Variants in RPH3A observed in about 807,000 individuals in gnomAD.
RPH3A encodes the protein rabphilin-3A.
A neutral mutation model predicts 102.2 loss-of-function variants in RPH3A; 48 were observed. The observed-to-expected ratio is 0.47, with a 90% CI of 0.37 to 0.60. RPH3A has a LOEUF of 0.60. Among genes scored for constraint, RPH3A ranks in the 20% least tolerant of loss-of-function variants. The probability of loss-of-function intolerance (pLI) is 0.00; values close to 1 mark genes in which losing one functional copy is unlikely to be tolerated. For missense variants in RPH3A, 781 were observed against 910.1 expected (o/e 0.86, Z 1.83); for synonymous variants, 310 against 324.3 (o/e 0.96, Z 0.47).
intron 1 of RPH3A, among the ~76,000 whole-genome samples, chr12:112,588,662 T>C (rs2039455830): frequency 6.6e-6 from 1 of 152,196 alleles, no homozygotes; most frequent in Non-Finnish European, 1.5e-5. Flanking sequence ...CGAGCCCTCC[T>C]GCCTCGCTCT....
chr12:112,694,644 GCA>G lies in RPH3A; in HGVS notation c.-139-97495_-139-97494del, dbSNP rs1174316742. On this transcript the variant is annotated intron_variant, in intron 1 of 21. Transcript: ENST00000543106. ...CAAAGACACACGCACGCGCGCGCGC[GCA>G]CACGCACACACACACACACACACAC... Among the ~76,000 whole-genome samples the G allele has an allele frequency of 9.1e-3, 1,150 of 127,022 alleles. 132 individuals carry two copies. In the East Asian group the frequency reaches 0.24, roughly 27 times the overall value. 83.3% of individuals were successfully genotyped at this position (127,022 alleles called of 152,430 possible).
At chr12:112,757,933 G>A (rs1190873894) in intron 1 of RPH3A, among the ~76,000 whole-genome samples, 1 of 152,186 alleles carries the variant, frequency 6.6e-6, no homozygotes. Flanking sequence ...GTAACAGCTT[G>A]TGTTCTCATT....
chr12:112,661,494 G>A (rs1737416237), intron 1 of RPH3A, among the ~76,000 whole-genome samples: 1 of 152,138 alleles, frequency 6.6e-6, no homozygotes, highest in Admixed American at 6.5e-5. Flanking sequence ...GAAAGTGGTT[G>A]GTAAATGTGC....
rs1396093395 is a variant in RPH3A, at chr12:112,712,886, TTCTTCTTCTTCTTCTTCC to T, written c.-139-79239_-139-79222del. ...ACACCCAGCTCACTTTTTTTTCTTC[TTCTTCTTCTTCTTCTTCC>T]TCTTCTTCTTCTTCTTCTTCCTCTT... On this transcript the variant is annotated intron_variant, in intron 1 of 21. Transcript: ENST00000543106. Among the ~76,000 whole-genome samples the T allele has an allele frequency of 6.0e-3, 836 of 138,202 alleles. 18 individuals are homozygous for T. Among genetic ancestry groups the T allele is most frequent in the African/African-American group, 0.02 (681 of 34,290 alleles). 90.7% of individuals were successfully genotyped at this position (138,202 alleles called of 152,430 possible).
chr12:112,840,467 T>C (rs1306053348), intron 4 of RPH3A, among the ~76,000 whole-genome samples: 3 of 152,170 alleles, frequency 2.0e-5, no homozygotes, highest in Admixed American at 2.0e-4. Context: ...TTAACCATCC[T>C]GACTTTATTC....
intron 3 of RPH3A, among the ~76,000 whole-genome samples, chr12:112,833,296 T>C (rs1006081465): frequency 1.3e-5 from 2 of 152,234 alleles, no homozygotes; most frequent in Non-Finnish European, 2.9e-5. Flanking sequence ...TCCCATCATG[T>C]TGGCATTTGA....
intron 1 of RPH3A, among the ~76,000 whole-genome samples, chr12:112,676,583 G>T (rs750961638): frequency 2.6e-5 from 4 of 152,234 alleles, no homozygotes; most frequent in African/African-American, 9.6e-5. Context: ...CCTTTAAAAT[G>T]CCACTTCATT....
intron 1 of RPH3A, among the ~76,000 whole-genome samples, chr12:112,582,271 G>A (rs1039239066): frequency 2.0e-5 from 3 of 146,360 alleles, no homozygotes; most frequent in Non-Finnish European, 4.5e-5. Flanking sequence ...TTAGAGATAC[G>A]TTCTCATTCT....
chr12:112,847,802 C>T lies in RPH3A; in HGVS notation c.190C>T (p.Arg64Ter), dbSNP rs950652719. The change falls in exon 5 of 22, where the codon CGA becomes TGA. Residue 64 changes from arginine to a stop codon, truncating the protein, a stop_gained. Coordinates refer to ENST00000389385, the MANE Select transcript of RPH3A (RefSeq NM_001143854.2). LOFTEE classifies it high-confidence loss of function. ...EKEIINRVIA[R>*]AEKMEEMEQE... ...AGAAATCATCAACAGGGTGATTGCT[C>T]GAGCTGAGAAAATGGAAGAGATGGA... is the stretch of plus-strand genomic sequence containing the variant. 5 of 1,614,142 alleles carry T rather than the reference C, an allele frequency of 3.1e-6. No individual in the cohort carries two copies. The highest frequency in any genetic ancestry group is 1.7e-6 in the Non-Finnish European group (2 of 1,180,016).
intron 1 of RPH3A, among the ~76,000 whole-genome samples, chr12:112,681,545 G>A (rs549335647): frequency 3.9e-5 from 6 of 152,250 alleles, no homozygotes; most frequent in South Asian, 2.1e-4. Context: ...ATCTCTTCCC[G>A]AATGCTTCAA....
chr12:112,784,597 G>A (rs142190508), intron 1 of RPH3A, among the ~76,000 whole-genome samples: 212 of 152,228 alleles, frequency 1.4e-3, no homozygotes, highest in Non-Finnish European at 2.8e-3. Flanking sequence ...TTATTTATTC[G>A]ACATTGACCA....
intron 1 of RPH3A, among the ~76,000 whole-genome samples, chr12:112,740,080 T>A (rs2040698329): frequency 6.6e-6 from 1 of 152,216 alleles, no homozygotes; most frequent in Non-Finnish European, 1.5e-5. Context: ...CGTAAATACT[T>A]GAAACAGTTT....
chr12:112,598,024 C>A (rs534951450), intron 1 of RPH3A, among the ~76,000 whole-genome samples: 1 of 152,282 alleles, frequency 6.6e-6, no homozygotes, highest in South Asian at 2.1e-4. Context: ...TAGAAGCAGA[C>A]CCCAAGACAA....
chr12:112,725,923 G>A lies in RPH3A; in HGVS notation c.-139-66220G>A, dbSNP rs189952853. Among the ~76,000 whole-genome samples the A allele has an allele frequency of 2.4e-3, 360 of 152,006 alleles. 3 individuals carry two copies. The highest frequency in any genetic ancestry group is 8.4e-3 in the African/African-American group (349 of 41,432). On this transcript the variant is annotated intron_variant, in intron 1 of 21. Coordinates refer to the RPH3A transcript ENST00000543106. ...CCATTCTCCTGCCTCAGCCTCACGA[G>A]TAGCTGGGACTACAGGCACCCGCCA...
chr12:112,841,831 ATCT>A, intron 4 of RPH3A: 1 of 427,902 alleles, frequency 2.3e-6, no homozygotes, highest in South Asian at 1.7e-5. Context: ...CTGAAAGTTC[ATCT>A]TCTCCAGCAT....
Position 112,678,318 on chromosome 12 carries a change from A to AGAGAGAGAGAGAG in RPH3A, c.-140+102999_-140+103000insGAGAGAGAGAGAG, listed in dbSNP as rs1566255385. Among the ~76,000 whole-genome samples the AGAGAGAGAGAGAG allele has an allele frequency of 1.1e-4, 13 of 122,552 alleles. 1 individual carries two copies. The highest frequency in any genetic ancestry group is 4.9e-4 in the East Asian group (2 of 4,058). 80.4% of individuals were successfully genotyped at this position (122,552 alleles called of 152,430 possible). A position where few individuals can be genotyped will look rare whatever the true frequency, so the allele number is the denominator to read the frequency against. On this transcript the variant is annotated intron_variant, in intron 1 of 21. Coordinates refer to the RPH3A transcript ENST00000543106. The stretch of plus-strand genomic sequence containing the variant: ...GAAAGAAAGAAAGAGAGAGAGAGAG[A>AGAGAGAGAGAGAG]AAGAAAGAAAGAAGGAAGGAAGGAA...
chr12:112,767,250 G>A (rs2040896729), intron 1 of RPH3A, among the ~76,000 whole-genome samples: 1 of 152,176 alleles, frequency 6.6e-6, no homozygotes. Flanking sequence ...CATAATATTT[G>A]TTGAGCTGAG....
chr12:112,847,799 G>T lies in RPH3A; in HGVS notation c.187G>T (p.Ala63Ser). 6.2e-7 allele frequency: 1 copy of T among 1,614,214 alleles called. No individual in the cohort carries two copies. The highest frequency in any genetic ancestry group is 8.5e-7 in the Non-Finnish European group (1 of 1,180,018). Residue 63 changes from alanine (A) to serine (S), a missense_variant, in exon 5 of 22, where the codon GCT becomes TCT. By Grantham distance (99) the Ala-to-Ser change is moderately conservative. This residue lies in a region of RPH3A where 730 missense variants were observed against 810.0 expected (regional missense o/e 0.90). Transcript: ENST00000389385. ...GAAAGAAATCATCAACAGGGTGATT[G>T]CTCGAGCTGAGAAAATGGAAGAGAT... ...EEKEIINRVI[A>S]RAEKMEEMEQ... is the part of the protein sequence containing the mutation.
intron 3 of RPH3A, chr12:112,831,743 A>G (rs1244585206): frequency 4.4e-6 from 2 of 455,390 alleles, no homozygotes; most frequent in Non-Finnish European, 8.8e-6. Flanking sequence ...TTGTTCTTGA[A>G]GGTTGCAGCA....
Sources: gnomAD v4.1 joint callset for allele counts (sites outside exome capture counted in the v4.1 genomes callset) on GRCh38, gnomAD v4.1.1 for gene constraint, gnomAD v4.1.1 regional missense constraint, MANE v1.5 for transcripts, NCBI Gene and HGNC (gene_info 2026-07-23, HGNC 2026-07-21) for gene names.